Variants in GRID2 observed in about 807,000 individuals in gnomAD.
GRID2 encodes glutamate receptor ionotropic, delta-2.
GRID2 carries 33 observed loss-of-function variants against 114.8 expected under a neutral mutation model. That is an observed-to-expected ratio of 0.29 (90% confidence interval 0.22 to 0.38). GRID2 has a LOEUF of 0.38. GRID2 is among the 10% of genes least tolerant of loss of function. The pLI is 1.00. For synonymous variants in GRID2, 505 were observed against 449.9 expected (o/e 1.12, Z -1.55); for missense variants, 1,184 against 1,257.7 (o/e 0.94, Z 0.89).
intron 2 of GRID2, among the ~76,000 whole-genome samples, chr4:92,604,038 A>G (rs1729343461): frequency 6.6e-6 from 1 of 152,164 alleles, no homozygotes; most frequent in Non-Finnish European, 1.5e-5. Flanking sequence ...TTAAGAAACA[A>G]CAGATGCTGG....
At chr4:92,634,851 CAGAGAGACAGAG>C (rs1730987231) in intron 2 of GRID2, among the ~76,000 whole-genome samples, 1 of 122,638 alleles carries the variant, frequency 8.2e-6, no homozygotes, top group African/African-American at 3.1e-5. Flanking sequence ...GCATTCGTTG[CAGAGAGACAGAG>C]AGAGAGAGAG....
At chr4:93,229,611 A>C (rs1045324939) in intron 7 of GRID2, among the ~76,000 whole-genome samples, 12 of 152,190 alleles carry the variant, frequency 7.9e-5, no homozygotes, top group Non-Finnish European at 1.5e-4. Flanking sequence ...CATTCAAATA[A>C]ATACAAAATG....
intron 2 of GRID2, among the ~76,000 whole-genome samples, chr4:92,897,437 AAAGT>A (rs1560679208): frequency 6.6e-6 from 1 of 152,206 alleles, no homozygotes; most frequent in Non-Finnish European, 1.5e-5. Context: ...TTTTAAAAAA[AAAGT>A]AAGTTAGAAT....
chr4:93,523,861 G>A (rs1315778827), intron 13 of GRID2, among the ~76,000 whole-genome samples: 1 of 152,010 alleles, frequency 6.6e-6, no homozygotes, highest in Non-Finnish European at 1.5e-5. Flanking sequence ...GTTGCACAAA[G>A]GAAAAAAGGC....
intron 2 of GRID2, among the ~76,000 whole-genome samples, chr4:92,663,452 T>G (rs1446499061): frequency 6.6e-6 from 1 of 151,200 alleles, no homozygotes; most frequent in East Asian, 1.9e-4. Context: ...TTTAGGGTCA[T>G]TCTTTCTGTA....
At chr4:92,693,446 A>G (rs1211228157) in intron 2 of GRID2, among the ~76,000 whole-genome samples, 1 of 152,208 alleles carries the variant, frequency 6.6e-6, no homozygotes, top group Non-Finnish European at 1.5e-5. Context: ...CTTTGTTGGG[A>G]AATGGTTTAC....
chr4:92,825,231 A>G (rs1304778747), intron 2 of GRID2, among the ~76,000 whole-genome samples: 1 of 152,126 alleles, frequency 6.6e-6, no homozygotes, highest in Non-Finnish European at 1.5e-5. Context: ...GCAAATTACA[A>G]TAAAAAATCA....
chr4:93,712,745 A>G (rs1181172523), intron 14 of GRID2, among the ~76,000 whole-genome samples: 1 of 152,206 alleles, frequency 6.6e-6, no homozygotes, highest in African/African-American at 2.4e-5. Flanking sequence ...TTGATTTATG[A>G]TGCCTTGAGT....
chr4:93,273,864 A>AAAGATAAAT (rs1404370936), intron 8 of GRID2, among the ~76,000 whole-genome samples: 2 of 152,172 alleles, frequency 1.3e-5, no homozygotes, highest in Non-Finnish European at 2.9e-5. Context: ...GCAATTATCA[A>AAAGATAAAT]AAGATAAATT....
In GRID2 at chr4:92,344,463, C is replaced by T. The variant is rs183202684; in HGVS notation, c.88+39719C>T. ...GATTCTTGGTTTCTATTCAAGTTAT[C>T]TTTTGCTGCAAAATATCTTTTTCCT... is the stretch of plus-strand genomic sequence containing the variant. On this transcript the variant is annotated intron_variant, in intron 1 of 15. Transcript: ENST00000282020. 1.3e-3 allele frequency among the ~76,000 whole-genome samples: 192 copies of T among 152,206 alleles called. 2 individuals carry two copies. Among genetic ancestry groups the T allele is most frequent in the African/African-American group, 4.4e-3 (183 of 41,548 alleles).
At chr4:93,226,289 C>T (rs148064691) in intron 7 of GRID2, among the ~76,000 whole-genome samples, 95 of 152,228 alleles carry the variant, frequency 6.2e-4, no homozygotes, top group Non-Finnish European at 1.1e-3. Context: ...TTCATCATGA[C>T]GCAAATTTCT....
intron 2 of GRID2, among the ~76,000 whole-genome samples, chr4:93,020,025 A>C (rs1369634534): frequency 6.6e-6 from 1 of 152,194 alleles, no homozygotes; most frequent in African/African-American, 2.4e-5. Context: ...GACACTGGAC[A>C]TGATATTTGA....
chr4:92,557,881 A>T (rs1726933007), intron 1 of GRID2, among the ~76,000 whole-genome samples: 1 of 152,094 alleles, frequency 6.6e-6, no homozygotes, highest in South Asian at 2.1e-4. Context: ...TACACTTTAA[A>T]AAACTTTTAT....
chr4:92,717,159 C>T (rs946256452), intron 2 of GRID2, among the ~76,000 whole-genome samples: 19 of 152,142 alleles, frequency 1.2e-4, no homozygotes, highest in African/African-American at 4.3e-4. Context: ...GAACAACAAC[C>T]TATCTCCATT....
At chr4:92,506,050 A>C (rs1723951587) in intron 1 of GRID2, among the ~76,000 whole-genome samples, 1 of 152,150 alleles carries the variant, frequency 6.6e-6, no homozygotes, top group South Asian at 2.1e-4. Flanking sequence ...GAAAATGTAT[A>C]TATTGAATTC....
At chr4:93,728,796 C>T (rs940873609) in intron 14 of GRID2, among the ~76,000 whole-genome samples, 1 of 152,052 alleles carries the variant, frequency 6.6e-6, no homozygotes, top group African/African-American at 2.4e-5. Context: ...TTATCAGAGA[C>T]TAGGATTGCA....
chr4:92,867,111 T>C (rs1477160699), intron 2 of GRID2, among the ~76,000 whole-genome samples: 1 of 152,222 alleles, frequency 6.6e-6, no homozygotes, highest in Non-Finnish European at 1.5e-5. Flanking sequence ...TTTCTTCTTT[T>C]ACATAGTAAA....
chr4:93,070,415 G>A (rs1728708268), intron 2 of GRID2, among the ~76,000 whole-genome samples: 1 of 152,014 alleles, frequency 6.6e-6, no homozygotes, highest in African/African-American at 2.4e-5. Flanking sequence ...ATAACAAACT[G>A]CAGATGGTAA....
At chr4:92,689,373 T>C (rs978934082) in intron 2 of GRID2, among the ~76,000 whole-genome samples, 9 of 152,184 alleles carry the variant, frequency 5.9e-5, no homozygotes, top group African/African-American at 2.2e-4. Flanking sequence ...ATTTAGAATC[T>C]GTTATTTAAT....
Sources: gnomAD v4.1 joint callset for allele counts (sites outside exome capture counted in the v4.1 genomes callset) on GRCh38, gnomAD v4.1.1 for gene constraint, MANE v1.5 for transcripts, NCBI Gene and HGNC (gene_info 2026-07-23, HGNC 2026-07-21) for gene names.